Variants in NDC1 observed in about 807,000 individuals in gnomAD.
The protein encoded by NDC1 is NDC1 transmembrane nucleoporin.
Under a neutral mutation model 89.8 loss-of-function variants are expected in NDC1, and 24 were observed. That is an observed-to-expected ratio of 0.27 (90% CI 0.19 to 0.38). The LOEUF is 0.38. NDC1 is among the 10% of genes least tolerant of loss of function. The pLI is 1.00. For missense variants in NDC1, 728 were observed against 797.6 expected (o/e 0.91, Z 1.05); for synonymous variants, 296 against 284.8 (o/e 1.04, Z -0.39).
intron 10 of NDC1, among the ~76,000 whole-genome samples, chr1:53,801,486 C>T (rs1647915774): frequency 6.6e-6 from 1 of 152,164 alleles, no homozygotes; most frequent in African/African-American, 2.4e-5. Flanking sequence ...CATAGTAGAT[C>T]TTTGTCGCCT....
chr1:53,799,426 T>C (rs1647832810), intron 11 of NDC1, among the ~76,000 whole-genome samples: 1 of 152,212 alleles, frequency 6.6e-6, no homozygotes, highest in African/African-American at 2.4e-5. Context: ...AAATCTGATG[T>C]GTGTTAATTT....
At chr1:53,770,861 G>A (rs921519898) in intron 17 of NDC1, among the ~76,000 whole-genome samples, 4 of 151,680 alleles carry the variant, frequency 2.6e-5, no homozygotes, top group Non-Finnish European at 5.9e-5. Flanking sequence ...CACCATGTTG[G>A]CCGGGCTGAT....
At chr1:53,836,943 T>C (rs1649254152) in intron 1 of NDC1, among the ~76,000 whole-genome samples, 2 of 152,176 alleles carry the variant, frequency 1.3e-5, no homozygotes, top group African/African-American at 4.8e-5. Flanking sequence ...AAGAAAAATA[T>C]AGATAAATTG....
intron 16 of NDC1, among the ~76,000 whole-genome samples, chr1:53,773,518 C>G (rs1570153048): frequency 1.3e-5 from 2 of 152,128 alleles, no homozygotes; most frequent in Non-Finnish European, 2.9e-5. Flanking sequence ...GAGAGACTTT[C>G]CTCAGAAATC....
chr1:53,835,735 T>C (rs1649209402), intron 1 of NDC1, 115 bp from the exon 2 acceptor site: 1 of 836,190 alleles, frequency 1.2e-6, no homozygotes, highest in Non-Finnish European at 1.9e-6. Flanking sequence ...AATCCGTAAC[T>C]CAAACATTCA....
At chr1:53,795,926 G>A (rs575703957) in intron 13 of NDC1, among the ~76,000 whole-genome samples, 2 of 152,252 alleles carry the variant, frequency 1.3e-5, no homozygotes, top group East Asian at 3.9e-4. Context: ...CTGGGTGCCT[G>A]CTACCTTTCT....
chr1:53,778,879 C>T (rs1333478688), intron 16 of NDC1, among the ~76,000 whole-genome samples: 5 of 151,932 alleles, frequency 3.3e-5, no homozygotes. Flanking sequence ...CAGTGGCTCA[C>T]GCCTATAATC....
At chr1:53,824,575 G>GT (rs1435726138) in intron 5 of NDC1, among the ~76,000 whole-genome samples, 1 of 152,232 alleles carries the variant, frequency 6.6e-6, no homozygotes, top group Non-Finnish European at 1.5e-5. Context: ...AATGAAGCAA[G>GT]TAATAGAATT....
At chr1:53,797,386 T>C (rs1647755663) in intron 11 of NDC1, among the ~76,000 whole-genome samples, 1 of 152,136 alleles carries the variant, frequency 6.6e-6, no homozygotes, top group Non-Finnish European at 1.5e-5. Flanking sequence ...TCCCCCCCCA[T>C]GAATATCTTC....
intron 16 of NDC1, among the ~76,000 whole-genome samples, chr1:53,773,261 A>G (rs541869027): frequency 6.6e-6 from 1 of 152,212 alleles, no homozygotes; most frequent in Non-Finnish European, 1.5e-5. Flanking sequence ...CGTACTATTT[A>G]TAGTTATGAA....
At chr1:53,792,074 C>G (rs997459926) in intron 14 of NDC1, among the ~76,000 whole-genome samples, 8 of 151,958 alleles carry the variant, frequency 5.3e-5, no homozygotes, top group African/African-American at 1.9e-4. Context: ...TCCCGAGTAG[C>G]TGGGACCACA....
At chr1:53,826,482 G>A (rs556735004) in intron 4 of NDC1, among the ~76,000 whole-genome samples, 1 of 152,270 alleles carries the variant, frequency 6.6e-6, no homozygotes, top group African/African-American at 2.4e-5. Flanking sequence ...AGGTGGCTAT[G>A]GGACTTATCA....
At chr1:53,779,546 T>G in intron 16 of NDC1, among the ~76,000 whole-genome samples, 1 of 152,138 alleles carries the variant, frequency 6.6e-6, no homozygotes, top group East Asian at 1.9e-4. Context: ...TGCCATTCTA[T>G]CGTGAAAAAG....
At chr1:53,834,980 T>TGCCTGTAATCCCAGCCACTCAAGAG (rs11271227) in intron 2 of NDC1, among the ~76,000 whole-genome samples, 18,135 of 151,974 alleles carry the variant, frequency 0.12, 2,195 homozygotes, top group African/African-American at 0.31. Flanking sequence ...TGGTGGCGCG[T>TGCCTGTAATCCCAGCCACTCAAGAG]GCTGAGGCAC....
Position 53,766,833 on chromosome 1 carries a change from A to G in NDC1, c.*1137T>C, listed in dbSNP as rs572170720. 5.9e-5 allele frequency: 9 copies of G among 152,360 alleles called. No individual in the cohort carries two copies. The allele number at this position is 152,360 out of a possible 1,614,324, so 9.4% of individuals were successfully genotyped here. Reference sequence around the variant, plus strand: ...GAGCATTTCAGTCCAAAGCCAGTCCAGTGAATATCTATGACTAGGATTTCC... The same window carrying G: ...GAGCATTTCAGTCCAAAGCCAGTCCGGTGAATATCTATGACTAGGATTTCC... On this transcript the variant is annotated 3_prime_UTR_variant, in exon 18 of 18. Coordinates refer to ENST00000371429, the MANE Select transcript of NDC1 (RefSeq NM_018087.5).
chr1:53,808,057 A>G (rs1648173621), intron 7 of NDC1, among the ~76,000 whole-genome samples: 1 of 152,216 alleles, frequency 6.6e-6, no homozygotes, highest in Admixed American at 6.5e-5. Flanking sequence ...AGGAGGAATG[A>G]GCTAAGCCTA....
chr1:53,796,983 T>G lies in NDC1; in HGVS notation c.1384A>C (p.Ile462Leu), dbSNP rs757135853. 6 of 1,614,072 alleles carry G rather than the reference T, an allele frequency of 3.7e-6. No individual in the cohort carries two copies. The highest frequency in any genetic ancestry group is 1.3e-5 in the African/African-American group (1 of 74,928). ...GSSVMNRMAG[I>L]FDVNTCYGSP... ...CCATAGCAGGTGTTTACATCAAAAA[T>G]TCCAGCCATCCGATTCATTACACTA... The change falls in exon 12 of 18, where the codon ATT becomes CTT. Residue 462 changes from isoleucine to leucine, a missense_variant. Ile to Leu is a conservative substitution (Grantham distance 5). Transcript: ENST00000371429.
chr1:53,771,273 G>A (rs925776261), intron 17 of NDC1: 4 of 152,058 alleles, frequency 2.6e-5, no homozygotes, highest in Non-Finnish European at 5.9e-5. Context: ...GTCTAGTGTT[G>A]TAGATAGAAA....
chr1:53,794,768 A>T (rs570891261), intron 13 of NDC1, among the ~76,000 whole-genome samples: 1 of 152,156 alleles, frequency 6.6e-6, no homozygotes, highest in African/African-American at 2.4e-5. Context: ...CCAGCTACTC[A>T]GGAGGCTGAG....
Sources: allele counts gnomAD v4.1 joint callset (sites outside exome capture counted in the v4.1 genomes callset), GRCh38; gene constraint gnomAD v4.1.1; transcripts MANE v1.5; gene names NCBI Gene and HGNC (gene_info 2026-07-23, HGNC 2026-07-21).